Variants in SHOX observed in about 807,000 individuals in gnomAD.
The protein encoded by SHOX is SHOX homeobox, also known as short stature homeobox protein.
Under a neutral mutation model 29.6 loss-of-function variants are expected in SHOX, and 12 were observed. The observed-to-expected ratio is 0.41, with a 90% CI of 0.26 to 0.66. The LOEUF (loss-of-function observed/expected upper bound fraction) is 0.66, where lower values mean the gene tolerates loss of function less well. SHOX is among the 30% of genes least tolerant of loss of function. SHOX has a pLI of 0.35. For missense variants in SHOX, 499 were observed against 437.7 expected (o/e 1.14, Z -1.25); for synonymous variants, 214 against 200.6 (o/e 1.07, Z -0.57).
chrX:626,671 GTA>G (rs2052543616), upstream of SHOX, among the ~76,000 whole-genome samples: 2 of 83,430 alleles, frequency 2.4e-5, no homozygotes, highest in African/African-American at 9.4e-5. Flanking sequence ...CTCTGTCTCT[GTA>G]TCTCTGTCTA....
chrX:641,661 C>T (rs1474539613), intron 4 of SHOX, among the ~76,000 whole-genome samples: 1 of 135,360 alleles, frequency 7.4e-6, no homozygotes, highest in Non-Finnish European at 1.5e-5. Flanking sequence ...CTCTGGGTGA[C>T]AGAGTGAGAC....
chrX:633,872 C>G (rs2052691283), intron 1 of SHOX, among the ~76,000 whole-genome samples: 1 of 152,140 alleles, frequency 6.6e-6, no homozygotes, highest in South Asian at 2.1e-4. Context: ...GGTTTTTCAC[C>G]TGGAAACGCT....
rs750688301 is a variant in SHOX, at chrX:634,677, A to G, written c.337A>G (p.Thr113Ala). 4 of 1,613,916 alleles carry G rather than the reference A, an allele frequency of 2.5e-6. No homozygotes were observed. Among genetic ancestry groups the G allele is most frequent in the African/African-American group, 1.3e-5 (1 of 75,060 alleles). The change falls in exon 2 of 5, where the codon ACC (threonine) becomes GCC (alanine). Residue 113 changes from threonine to alanine, a missense_variant. Physicochemically the swap from Thr to Ala is moderately conservative, Grantham distance 58. Coordinates refer to ENST00000686671, the MANE Select transcript of SHOX (RefSeq NM_000451.4). ...GAAGTCGGAGGACGAGGACGGGCAG[A>G]CCAAGCTGAAACAGAGGCGCAGCCG... ...DVKSEDEDGQ[T>A]KLKQRRSRTN...
intron 1 of SHOX, 87 bp downstream of exon 1, chrX:631,261 C>T: frequency 1.3e-6 from 2 of 1,511,682 alleles, no homozygotes; most frequent in Non-Finnish European, 1.8e-6. Context: ...GCGCCCCTCG[C>T]TGTGCACATT....
At chrX:625,057 T>TCCCTCCCTCCCTCCCTCTGTTCCTTC (rs199719352) in intron 1 of SHOX, among the ~76,000 whole-genome samples, 1 of 97,044 alleles carries the variant, frequency 1.0e-5, no homozygotes, top group Non-Finnish European at 2.2e-5. Context: ...CTCTGTTCCT[T>TCCCTCCCTCCCTCCCTCTGTTCCTTC]CCTCCCTCCC....
In SHOX at chrX:644,882, C is replaced by G; in HGVS notation, c.*246C>G. ...GAGCGGCCGTGCGTCCAGCCCGGGC[C>G]TCTCCAAGGCTGCCCGTGCGTCCTG... On this transcript the variant is annotated 3_prime_UTR_variant, in exon 5 of 5. Coordinates refer to ENST00000686671, the MANE Select transcript of SHOX (RefSeq NM_000451.4). 4.1e-6 allele frequency: 2 copies of G among 491,716 alleles called. No homozygotes were observed. Among genetic ancestry groups the G allele is most frequent in the East Asian group, 3.8e-5 (1 of 26,630 alleles). 30.5% of individuals were successfully genotyped at this position (491,716 alleles called of 1,614,324 possible).
At position 634,754 on chromosome X, in the gene SHOX, G is replaced by C. The variant is rs750602920; in HGVS notation, c.414G>C (p.Glu138Asp). 6.8e-6 allele frequency: 11 copies of C among 1,611,354 alleles called. No individual in the cohort carries two copies. Among genetic ancestry groups the C allele is most frequent in the Non-Finnish European group, 9.3e-6 (11 of 1,178,944 alleles). The part of the protein sequence containing the change: ...QLNELERLFD[E>D]THYPDAFMRE... Reference sequence around the variant, plus strand: ...ACGAGCTCGAGCGACTCTTCGACGAGACCCATTACCCCGACGCCTTCATGC... The same window carrying C: ...ACGAGCTCGAGCGACTCTTCGACGACACCCATTACCCCGACGCCTTCATGC... The change falls in exon 2 of 5, where the codon GAG becomes GAC. Residue 138 changes from glutamate (E) to aspartate (D), a missense_variant. Glu to Asp is a conservative substitution (Grantham distance 45). Coordinates refer to ENST00000686671, the MANE Select transcript of SHOX (RefSeq NM_000451.4).
In SHOX at chrX:650,810, A is replaced by AAAAAAAAC. The variant is rs1556473216; in HGVS notation, c.*6181_*6182insCAAAAAAA. On this transcript the variant is annotated 3_prime_UTR_variant, in exon 5 of 5. Coordinates refer to ENST00000686671, the MANE Select transcript of SHOX (RefSeq NM_000451.4). ...TTGACATTAAAAAAAAAAAAAAAAA[A>AAAAAAAAC]AAAAAAAAACTGGTGCCTAATTTAT... Among the ~76,000 whole-genome samples, 70 of 150,208 alleles carry AAAAAAAAC rather than the reference A, an allele frequency of 4.7e-4. 3 individuals are homozygous for AAAAAAAAC. Among genetic ancestry groups the AAAAAAAAC allele is most frequent in the African/African-American group, 1.7e-3 (68 of 40,954 alleles).
At chrX:632,766 G>C (rs2052673648) in intron 1 of SHOX, among the ~76,000 whole-genome samples, 1 of 152,196 alleles carries the variant, frequency 6.6e-6, no homozygotes, top group Non-Finnish European at 1.5e-5. Context: ...CCTACACACT[G>C]CTGCGGGCAC....
At chrX:627,154 G>A (rs1474373998), upstream of SHOX, among the ~76,000 whole-genome samples, 1 of 152,142 alleles carries the variant, frequency 6.6e-6, no homozygotes, top group African/African-American at 2.4e-5. Context: ...GCCAAGAGAG[G>A]TGCAGACCCT....
downstream of SHOX, among the ~76,000 whole-genome samples, chrX:652,547 C>T (rs377304187): frequency 3.1e-3 from 478 of 151,936 alleles, 24 homozygotes; most frequent in South Asian, 0.093. Flanking sequence ...CTGTGGGGGG[C>T]TCAGAGCCTG....
At chrX:626,911 CTGTG>C (rs1394103578), upstream of SHOX, among the ~76,000 whole-genome samples, 1 of 151,172 alleles carries the variant, frequency 6.6e-6, no homozygotes, top group Non-Finnish European at 1.5e-5. Flanking sequence ...CTGTCTCTCT[CTGTG>C]TCTCTACCTG....
rs1206598199 is a variant in SHOX at position 649,172 on chromosome X, G to T, written c.*4536G>T. On this transcript the variant is annotated 3_prime_UTR_variant, in exon 5 of 5. Transcript: ENST00000686671. ...CCTGCCTCAGCCTCCCAAGTAGCTG[G>T]GATGACAGGCACCCACCACCATTCC... Among the ~76,000 whole-genome samples, 1 of 151,938 alleles carries T rather than the reference G, an allele frequency of 6.6e-6. No individual in the cohort carries two copies. Among genetic ancestry groups the T allele is most frequent in the Non-Finnish European group, 1.5e-5 (1 of 67,996 alleles).
chrX:636,783 A>G (rs887819894), intron 2 of SHOX, among the ~76,000 whole-genome samples: 1 of 143,598 alleles, frequency 7.0e-6, no homozygotes, highest in Admixed American at 7.3e-5. Flanking sequence ...ATATATATAC[A>G]TATAAAAATA....
At chrX:640,164 G>A (rs993526522) in intron 2 of SHOX, among the ~76,000 whole-genome samples, 17 of 152,090 alleles carry the variant, frequency 1.1e-4, no homozygotes, top group Admixed American at 1.0e-3. Flanking sequence ...GGCCAACATG[G>A]TGAAACCCCA....
At chrX:627,987 C>T (rs888123086), upstream of SHOX, among the ~76,000 whole-genome samples, 4 of 152,098 alleles carry the variant, frequency 2.6e-5, no homozygotes, top group African/African-American at 9.7e-5. Flanking sequence ...GAAAAGTTAC[C>T]CGGCCTCTGA....
chrX:638,775 A>C (rs2052800695), intron 2 of SHOX, among the ~76,000 whole-genome samples: 1 of 152,222 alleles, frequency 6.6e-6, no homozygotes, highest in Non-Finnish European at 1.5e-5. Context: ...ACAGTGTGTA[A>C]GGGTGGCTGT....
chrX:638,708 C>G (rs973838854), intron 2 of SHOX, among the ~76,000 whole-genome samples: 52 of 152,050 alleles, frequency 3.4e-4, no homozygotes, highest in Non-Finnish European at 6.8e-4. Flanking sequence ...TGGCTGCTCC[C>G]AAACTCTGAG....
upstream of SHOX, chrX:630,457 T>A (rs193185218): frequency 2.9e-5 from 7 of 241,730 alleles, no homozygotes; most frequent in African/African-American, 1.6e-4. Context: ...TCTCTGTCTC[T>A]CTCTGCAGGA....
Sources: gnomAD v4.1 joint callset for allele counts (sites outside exome capture counted in the v4.1 genomes callset) on GRCh38, gnomAD v4.1.1 for gene constraint, MANE v1.5 for transcripts, NCBI Gene and HGNC (gene_info 2026-07-23, HGNC 2026-07-21) for gene names.